The following CLIP4 variants were observed in gnomAD, a reference collection of about 807,000 sequenced individuals.
CLIP4 encodes the protein CAP-Gly domain-containing linker protein 4.
CLIP4 carries 47 observed loss-of-function variants against 73.1 expected under a neutral mutation model. That is an observed-to-expected ratio of 0.64 (90% CI 0.51 to 0.82). The LOEUF (loss-of-function observed/expected upper bound fraction) is 0.82. Among genes scored for constraint, CLIP4 ranks in the 40% least tolerant of loss-of-function variants. The pLI, the probability that CLIP4 is intolerant of heterozygous loss-of-function variation, is 0.00. For synonymous variants in CLIP4, 306 were observed against 295.4 expected, an observed-to-expected ratio of 1.04 and a Z score of -0.37; for missense variants, 874 against 852.9, an observed-to-expected ratio of 1.02 and a Z score of -0.31.
At chr2:29,142,917 G>A (rs967656777) in intron 6 of CLIP4, among the ~76,000 whole-genome samples, 2 of 152,198 alleles carry the variant, frequency 1.3e-5, no homozygotes, top group African/African-American at 2.4e-5. Flanking sequence ...GCAAATGACC[G>A]TGGGGTTGTC....
chr2:29,177,107 T>C (rs1668389827), intron 15 of CLIP4, among the ~76,000 whole-genome samples: 1 of 152,014 alleles, frequency 6.6e-6, no homozygotes, highest in Non-Finnish European at 1.5e-5. Flanking sequence ...TTCAGGAGTA[T>C]AAAAAGTAAC....
chr2:29,157,559 A>C (rs1020236983), intron 11 of CLIP4, among the ~76,000 whole-genome samples: 6 of 152,120 alleles, frequency 3.9e-5, no homozygotes, highest in Non-Finnish European at 8.8e-5. Flanking sequence ...TTTTCATGTA[A>C]TTCATTCTTA....
upstream of CLIP4, among the ~76,000 whole-genome samples, chr2:29,114,519 T>C (rs186773718): frequency 6.6e-6 from 1 of 152,314 alleles, no homozygotes; most frequent in East Asian, 1.9e-4. Flanking sequence ...TAAAAGGTAA[T>C]GAGTTCCTTG....
rs929292039 is a variant in CLIP4, at chr2:29,163,761, G to C, written c.1535-70G>C. 2.1e-6 allele frequency: 3 copies of C among 1,461,616 alleles called. No individual in the cohort carries two copies. In the African/African-American group the frequency reaches 4.3e-5, roughly 21 times the overall value. 90.5% of individuals were successfully genotyped at this position (1,461,616 alleles called of 1,614,324 possible). ...GAAATGTTAAAACACCTCGACTTTG[G>C]TTTTGTATAGTAGCATAAGAGTTTT... On this transcript the variant is annotated intron_variant, in intron 12 of 15. Coordinates refer to ENST00000320081, the MANE Select transcript of CLIP4 (RefSeq NM_024692.6).
At chr2:29,134,204 T>TG (rs1322169388) in intron 5 of CLIP4, among the ~76,000 whole-genome samples, 2 of 152,162 alleles carry the variant, frequency 1.3e-5, no homozygotes, top group Non-Finnish European at 2.9e-5. Flanking sequence ...AGATGGCATT[T>TG]GGTTCTGAAA....
chr2:29,152,742 C>T lies in CLIP4; in HGVS notation c.1079C>T (p.Thr360Ile), dbSNP rs752347334. 17 of 1,613,604 alleles carry T rather than the reference C, an allele frequency of 1.1e-5. No individual in the cohort carries two copies. Among genetic ancestry groups the T allele is most frequent in the Admixed American group, 3.3e-5 (2 of 59,956 alleles). Residue 360 changes from threonine to isoleucine, a missense_variant, in exon 9 of 16, where the codon ACA becomes ATA. Physicochemically the swap from Thr to Ile is moderately conservative, Grantham distance 89. Coordinates refer to ENST00000320081, the MANE Select transcript of CLIP4 (RefSeq NM_024692.6). Reference protein sequence around the residue: ...SKAKGRRKNITHTPSTKAAVP... With the variant: ...SKAKGRRKNIIHTPSTKAAVP... ...GCAAAAGGTCGAAGGAAGAATATAACACACACTCCTTCTACAAAAGCTGCT... is the reference window on the plus strand; with the variant it reads ...GCAAAAGGTCGAAGGAAGAATATAATACACACTCCTTCTACAAAAGCTGCT...
At chr2:29,166,369 A>G (rs1460647883) in intron 13 of CLIP4, among the ~76,000 whole-genome samples, 1 of 151,498 alleles carries the variant, frequency 6.6e-6, no homozygotes, top group African/African-American at 2.4e-5. Flanking sequence ...GAATCTTTGC[A>G]CATGTTATTT....
intron 6 of CLIP4, among the ~76,000 whole-genome samples, chr2:29,139,334 A>G (rs1025639504): frequency 7.2e-5 from 11 of 151,884 alleles, no homozygotes; most frequent in African/African-American, 2.7e-4. Context: ...ACCTCCTTGC[A>G]TGACTTGATC....
At chr2:29,104,504 C>G (rs911020250) in intron 1 of CLIP4, among the ~76,000 whole-genome samples, 5 of 152,056 alleles carry the variant, frequency 3.3e-5, no homozygotes, top group African/African-American at 9.7e-5. Flanking sequence ...CCAGGCTGGT[C>G]TCGAACTCCT....
chr2:29,169,936 G>C (rs1198362422), intron 14 of CLIP4, among the ~76,000 whole-genome samples: 1 of 152,008 alleles, frequency 6.6e-6, no homozygotes. Flanking sequence ...CCCAGCCTTT[G>C]AGGCTAATCA....
At chr2:29,160,531 A>T in intron 12 of CLIP4, 64 bp downstream of exon 12, 1 of 1,552,282 alleles carries the variant, frequency 6.4e-7, no homozygotes, top group Non-Finnish European at 8.8e-7. Context: ...AAAATTTTAC[A>T]TGTAAATAGA....
At chr2:29,139,341 G>C (rs1665599062) in intron 6 of CLIP4, among the ~76,000 whole-genome samples, 1 of 152,030 alleles carries the variant, frequency 6.6e-6, no homozygotes, top group Non-Finnish European at 1.5e-5. Flanking sequence ...TGCATGACTT[G>C]ATCACGGTGA....
chr2:29,142,308 GTT>G (rs559671885), intron 6 of CLIP4, among the ~76,000 whole-genome samples: 4 of 145,480 alleles, frequency 2.7e-5, no homozygotes, highest in Non-Finnish European at 4.6e-5. Flanking sequence ...TATTATTTAG[GTT>G]TTTTTTTTTT....
chr2:29,105,459 G>A (rs759006184), intron 1 of CLIP4, among the ~76,000 whole-genome samples: 3 of 152,154 alleles, frequency 2.0e-5, no homozygotes, highest in Admixed American at 6.5e-5. Flanking sequence ...ATTTTGAACC[G>A]TGCTGACAGA....
At chr2:29,144,878 C>T (rs914817736) in intron 7 of CLIP4, among the ~76,000 whole-genome samples, 12 of 142,260 alleles carry the variant, frequency 8.4e-5, no homozygotes, top group African/African-American at 2.7e-4. Context: ...TCATAGGTCA[C>T]TGTAGCCCCG....
chr2:29,159,509 C>G (rs961224673), intron 11 of CLIP4, among the ~76,000 whole-genome samples: 1 of 151,934 alleles, frequency 6.6e-6, no homozygotes, highest in Admixed American at 6.6e-5. Context: ...ATAACAAAAT[C>G]ACTTTAGGAT....
intron 15 of CLIP4, among the ~76,000 whole-genome samples, chr2:29,179,543 C>G (rs1668531726): frequency 6.6e-6 from 1 of 152,174 alleles, no homozygotes; most frequent in Admixed American, 6.5e-5. Flanking sequence ...TTTTTCTGAA[C>G]CTCAGATTCT....
chr2:29,150,618 C>G lies in CLIP4; in HGVS notation c.1022-2067C>G, dbSNP rs1017518774. Among the ~76,000 whole-genome samples the G allele has an allele frequency of 1.4e-5, 2 of 145,006 alleles. 1 individual carries two copies. The highest frequency in any genetic ancestry group is 5.0e-5 in the African/African-American group (2 of 39,686). On this transcript the variant is annotated intron_variant, in intron 8 of 15. Transcript: ENST00000320081. ...ATTTTTCACATAATGTAATCAAATA[C>G]ATAACTTAATTTTTTTGATTTGCTC...
At chr2:29,116,157 T>C (rs1310750726) in intron 1 of CLIP4, among the ~76,000 whole-genome samples, 2 of 152,218 alleles carry the variant, frequency 1.3e-5, no homozygotes, top group African/African-American at 4.8e-5. Flanking sequence ...CTTGGCTACC[T>C]GAGATCCCTT....
Sources: gnomAD v4.1 joint callset for allele counts (sites outside exome capture counted in the v4.1 genomes callset) on GRCh38, gnomAD v4.1.1 for gene constraint, MANE v1.5 for transcripts, NCBI Gene and HGNC (gene_info 2026-07-23, HGNC 2026-07-21) for gene names.